Variants in ADAMTS18 observed in about 807,000 individuals in gnomAD.
The protein encoded by ADAMTS18 is A disintegrin and metalloproteinase with thrombospondin motifs 18.
Under a neutral mutation model 165.9 loss-of-function variants are expected in ADAMTS18, and 157 were observed. The ratio of observed to expected loss-of-function variants is 0.95; its 90% confidence interval spans 0.83 to 1.08. The LOEUF is 1.08. Ranked by LOEUF, ADAMTS18 falls within the 50% of genes least tolerant of loss-of-function variation. The pLI is 0.00. For synonymous variants in ADAMTS18, 782 were observed against 578.2 expected (o/e 1.35, Z -5.06); for missense variants, 2,040 against 1,534.0 (o/e 1.33, Z -5.51).
rs753149982 is a variant in ADAMTS18 at position 77,403,422 on chromosome 16, C to T, written c.495+27873G>A. 6.6e-4 allele frequency among the ~76,000 whole-genome samples: 101 copies of T among 152,286 alleles called. 1 individual carries two copies. Among genetic ancestry groups the T allele is most frequent in the Middle Eastern group, 3.4e-3 (1 of 294 alleles). On this transcript the variant is annotated intron_variant, in intron 3 of 22. Coordinates refer to ENST00000282849, the MANE Select transcript of ADAMTS18 (RefSeq NM_199355.4). ...AAGTGGCAGAGCCAGTATTTGAACT[C>T]AAGATTATCTATCCTCAGACTCTGT...
At chr16:77,368,483 T>C (rs1446910166) in intron 3 of ADAMTS18, among the ~76,000 whole-genome samples, 4 of 149,694 alleles carry the variant, frequency 2.7e-5, no homozygotes. Flanking sequence ...GTCCCTTAGG[T>C]TGGAGTACAA....
At chr16:77,400,308 T>C (rs16945635) in intron 3 of ADAMTS18, among the ~76,000 whole-genome samples, 3,317 of 152,140 alleles carry the variant, frequency 0.022, 123 homozygotes, top group African/African-American at 0.076. Flanking sequence ...TTTTCTTCTA[T>C]CCCAGAGTCT....
intron 3 of ADAMTS18, among the ~76,000 whole-genome samples, chr16:77,406,025 T>C (rs78663491): frequency 0.014 from 2,084 of 152,304 alleles, 47 homozygotes; most frequent in African/African-American, 0.048. Context: ...ATTCACTTTA[T>C]GAAGGTAGTC....
At chr16:77,327,086 C>G (rs1011916265) in intron 12 of ADAMTS18, among the ~76,000 whole-genome samples, 1 of 152,214 alleles carries the variant, frequency 6.6e-6, no homozygotes. Context: ...ATTTCTTTAT[C>G]CAGTCTGCTG....
intron 3 of ADAMTS18, among the ~76,000 whole-genome samples, chr16:77,375,769 G>A (rs2056941425): frequency 6.6e-6 from 1 of 152,162 alleles, no homozygotes; most frequent in Non-Finnish European, 1.5e-5. Context: ...AAGAAAAGAG[G>A]TATAATTGGC....
chr16:77,349,565 A>G lies in ADAMTS18; in HGVS notation c.1614+4168T>C, dbSNP rs1285557479. On this transcript the variant is annotated intron_variant, in intron 10 of 22. Transcript: ENST00000282849. ...AAAAAAAAAGCCGGTTCACTGAGCCAGACAAAGTCATGAATAACTATTGTT... is the reference window on the plus strand; with the variant it reads ...AAAAAAAAAGCCGGTTCACTGAGCCGGACAAAGTCATGAATAACTATTGTT... Among the ~76,000 whole-genome samples the G allele has an allele frequency of 4.8e-5, 7 of 146,476 alleles. No homozygotes were observed. In the Admixed American group the frequency reaches 4.8e-4, roughly 10 times the overall value.
rs765802389 is a variant in ADAMTS18 at position 77,314,624 on chromosome 16, A to AGTGTGTGTGTGTGTGT, written c.2532+5224_2532+5225insACACACACACACACAC. Among the ~76,000 whole-genome samples, 7 of 67,436 alleles carry AGTGTGTGTGTGTGTGT rather than the reference A, an allele frequency of 1.0e-4. No homozygotes were observed. The South Asian group carries it at 2.6e-3, about 25-fold the overall frequency. The allele number at this position is 67,436 out of a possible 152,430, so 44.2% of individuals were successfully genotyped here. ...CAAAACTCTGTCTCAAAAAAAAAAAAATGTGTGTGTATGTGTGTGTGTGTG... is the reference window on the plus strand; with the variant it reads ...CAAAACTCTGTCTCAAAAAAAAAAAAGTGTGTGTGTGTGTGTATGTGTGTGTATGTGTGTGTGTGTG... On this transcript the variant is annotated intron_variant, in intron 16 of 22. Coordinates refer to ENST00000282849, the MANE Select transcript of ADAMTS18 (RefSeq NM_199355.4).
In ADAMTS18 at chr16:77,291,335, G is replaced by C. The variant is rs759618446; in HGVS notation, c.3333C>G (p.Asn1111Lys). The change falls in exon 21 of 23, where the codon AAC becomes AAG. Residue 1111 changes from asparagine to lysine, a missense_variant. Transcript: ENST00000282849. ...CTGGATGGGCTGGGCAAGCCCGTCGGTTGCAGGTCTCTTCCAAGTCCAGAT... is the reference window on the plus strand; with the variant it reads ...CTGGATGGGCTGGGCAAGCCCGTCGCTTGCAGGTCTCTTCCAAGTCCAGAT... ...KPNLDLEETC[N>K]RRACPAHPVY... 7 of 1,614,186 alleles carry C rather than the reference G, an allele frequency of 4.3e-6. No homozygotes were observed. In the South Asian group the frequency reaches 7.7e-5, roughly 18 times the overall value.
At chr16:77,289,885 CATGACAGAGTTGGT>C (rs1292359249) in intron 21 of ADAMTS18, among the ~76,000 whole-genome samples, 2 of 152,136 alleles carry the variant, frequency 1.3e-5, no homozygotes, top group African/African-American at 4.8e-5. Context: ...TCTGAGTTGG[CATGACAGAGTTGGT>C]GCTTCTTAGG....
At chr16:77,410,599 A>G (rs184315449) in intron 3 of ADAMTS18, among the ~76,000 whole-genome samples, 42 of 152,236 alleles carry the variant, frequency 2.8e-4, no homozygotes, top group Admixed American at 4.6e-4. Context: ...CAAGAACACA[A>G]TATTTGTTGA....
chr16:77,315,619 C>T (rs1422810626), intron 16 of ADAMTS18, among the ~76,000 whole-genome samples: 1 of 152,146 alleles, frequency 6.6e-6, no homozygotes, highest in Middle Eastern at 3.2e-3. Flanking sequence ...CACGCCTCTC[C>T]GTGACAGGTG....
intron 13 of ADAMTS18, among the ~76,000 whole-genome samples, chr16:77,324,293 A>G (rs2056055678): frequency 6.6e-6 from 1 of 152,226 alleles, no homozygotes; most frequent in Non-Finnish European, 1.5e-5. Context: ...AAGCAACTGC[A>G]GCATCCGCTG....
intron 3 of ADAMTS18, among the ~76,000 whole-genome samples, chr16:77,423,367 G>C (rs890454144): frequency 2.6e-5 from 4 of 152,128 alleles, no homozygotes; most frequent in Admixed American, 1.3e-4. Flanking sequence ...TGCAGAGGAA[G>C]GTCTGCAATA....
intron 10 of ADAMTS18, among the ~76,000 whole-genome samples, chr16:77,342,161 T>G (rs2056408063): frequency 6.6e-6 from 1 of 152,194 alleles, no homozygotes; most frequent in Non-Finnish European, 1.5e-5. Context: ...ATTCAAGTCT[T>G]CATCCTGAAA....
At chr16:77,381,809 T>A (rs1182331172) in intron 3 of ADAMTS18, among the ~76,000 whole-genome samples, 1 of 151,902 alleles carries the variant, frequency 6.6e-6, no homozygotes. Context: ...CTCAAAAAAA[T>A]AAATAATAAA....
At chr16:77,375,359 G>T (rs1042963757) in intron 3 of ADAMTS18, among the ~76,000 whole-genome samples, 2 of 152,088 alleles carry the variant, frequency 1.3e-5, no homozygotes, top group African/African-American at 4.8e-5. Flanking sequence ...TCCGGCCTGG[G>T]TGAAAGAGAG....
At position 77,325,971 on chromosome 16, in the gene ADAMTS18, A is replaced by C. The variant is rs2056088388; in HGVS notation, c.1927T>G (p.Cys643Gly). The part of the protein sequence containing the change: ...RIYQLCNINP[C>G]NENSLDFRAQ... ...CGAAAATCCAAGCTATTTTCATTGC[A>C]AGGGTTAATATTGCACAGCTGATAA... is the stretch of plus-strand genomic sequence containing the variant. Residue 643 changes from cysteine (C) to glycine (G), a missense_variant, in exon 13 of 23, where the codon TGC becomes GGC. Coordinates refer to ENST00000282849, the MANE Select transcript of ADAMTS18 (RefSeq NM_199355.4). The C allele has an allele frequency of 6.2e-7, 1 of 1,614,058 alleles. No individual in the cohort carries two copies. The highest frequency in any genetic ancestry group is 8.5e-7 in the Non-Finnish European group (1 of 1,179,960).
chr16:77,322,515 A>G (rs2056021899), intron 13 of ADAMTS18, 49 bp from the exon 14 acceptor site: 1 of 1,597,910 alleles, frequency 6.3e-7, no homozygotes, highest in East Asian at 2.2e-5. Flanking sequence ...GAAACTAAGG[A>G]AAAATGATAG....
intron 12 of ADAMTS18, among the ~76,000 whole-genome samples, chr16:77,333,330 A>C (rs1006015402): frequency 6.6e-6 from 1 of 152,036 alleles, no homozygotes; most frequent in African/African-American, 2.4e-5. Context: ...GGGGAGGGAG[A>C]GCTTTACAAC....
Sources: allele counts gnomAD v4.1 joint callset (sites outside exome capture counted in the v4.1 genomes callset), GRCh38; gene constraint gnomAD v4.1.1; transcripts MANE v1.5; gene names NCBI Gene and HGNC (gene_info 2026-07-23, HGNC 2026-07-21).